AKAP12: variants seen among roughly 807,000 people sequenced by gnomAD.
AKAP12 encodes A-kinase anchor protein 12.
AKAP12 carries 32 observed loss-of-function variants against 79.9 expected under a neutral mutation model. That is an observed-to-expected ratio of 0.40 (90% CI 0.30 to 0.54). The LOEUF (loss-of-function observed/expected upper bound fraction) is 0.54, where lower values mean the gene tolerates loss of function less well. Among genes scored for constraint, AKAP12 ranks in the 20% least tolerant of loss-of-function variants. The pLI is 0.48. For synonymous variants in AKAP12, 808 were observed against 857.0 expected (o/e 0.94, Z 1.00); for missense variants, 2,074 against 2,177.0 (o/e 0.95, Z 0.94).
chr6:151,259,881 C>CTT (rs1797385285), intron 2 of AKAP12, among the ~76,000 whole-genome samples: 1 of 148,594 alleles, frequency 6.7e-6, no homozygotes, highest in Admixed American at 6.7e-5. Context: ...CCAGCCGACC[C>CTT]TTTTCTTCAA....
intron 3 of AKAP12, chr6:151,324,629 TGTTTGTGTA>T: frequency 1.0e-6 from 1 of 985,426 alleles, no homozygotes; most frequent in Non-Finnish European, 1.2e-6. Flanking sequence ...CTTTCCTTTT[TGTTTGTGTA>T]GGGGAAGAGC....
At chr6:151,348,481 A>G in intron 3 of AKAP12, 1 of 597,994 alleles carries the variant, frequency 1.7e-6, no homozygotes, top group South Asian at 1.6e-5. Flanking sequence ...TCTACAGAAA[A>G]TAAAAAACTT....
intron 3 of AKAP12, among the ~76,000 whole-genome samples, chr6:151,315,874 G>A (rs895308668): frequency 1.3e-5 from 2 of 152,080 alleles, no homozygotes; most frequent in Non-Finnish European, 2.9e-5. Flanking sequence ...AAGGAGAAGT[G>A]GCGAGCAAAA....
rs566884199 is a variant in AKAP12 at position 151,304,591 on chromosome 6, T to G, written c.163-1156T>G. ...GTTTTTTCATTTTTGTTTTTTGTTT[T>G]TCTCGCTCCGTCACCCAGGCTGGAG... On this transcript the variant is annotated intron_variant, in intron 2 of 4. Coordinates refer to ENST00000402676, the MANE Select transcript of AKAP12 (RefSeq NM_005100.4). Among the ~76,000 whole-genome samples the G allele has an allele frequency of 4.6e-5, 7 of 151,520 alleles. No homozygotes were observed. In the South Asian group the frequency reaches 1.5e-3, roughly 32 times the overall value.
chr6:151,284,912 AG>A (rs1776470786), intron 2 of AKAP12, among the ~76,000 whole-genome samples: 1 of 152,210 alleles, frequency 6.6e-6, no homozygotes, highest in Non-Finnish European at 1.5e-5. Flanking sequence ...ATGGGGACCC[AG>A]GGTGGAACCA....
intron 3 of AKAP12, chr6:151,326,024 C>A: frequency 1.7e-6 from 2 of 1,179,652 alleles, no homozygotes; most frequent in Non-Finnish European, 2.4e-6. Context: ...ATTTATTTCT[C>A]TCCGTGTACT....
rs556827663 is a variant in AKAP12, at chr6:151,331,607, C to T, written c.320-17104C>T. On this transcript the variant is annotated intron_variant, in intron 3 of 4. Transcript: ENST00000402676. ...ACTGCATCTTTTTAAAAGTTTTGGC[C>T]GGGTGCGGTGGCTCACGCCTGTAAT... is the stretch of plus-strand genomic sequence containing the variant. 5.9e-5 allele frequency among the ~76,000 whole-genome samples: 9 copies of T among 152,170 alleles called. No individual in the cohort carries two copies. In the South Asian group the frequency reaches 6.2e-4, roughly 11 times the overall value.
rs372570130 is a variant in AKAP12 at position 151,351,235 on chromosome 6, C to T, written c.2844C>T (p.Pro948=). ...AAGTAATTGCAGAAGAAGAACCCCCCACGGTTACTGAACCTCTGCCAGAGA... is the reference window on the plus strand; with the variant it reads ...AAGTAATTGCAGAAGAAGAACCCCCTACGGTTACTGAACCTCTGCCAGAGA... ...EREVIAEEEP[P]TVTEPLPENR... is the part of the protein sequence containing the mutation. The change falls in exon 4 of 5, where the codon CCC becomes CCT. Residue 948 remains proline (P), a synonymous_variant. Transcript: ENST00000402676. The surrounding 1 kb of genome is among the most constrained non-coding windows in gnomAD (Gnocchi z 4.4). The T allele has an allele frequency of 3.7e-6, 6 of 1,614,104 alleles. No individual in the cohort carries two copies. The African/African-American group carries it at 4.0e-5, about 11-fold the overall frequency.
In AKAP12 at chr6:151,312,793, CAAA is replaced by C. The variant is rs55685824; in HGVS notation, c.319+6906_319+6908del. Among the ~76,000 whole-genome samples, 5 of 72,990 alleles carry C rather than the reference CAAA, an allele frequency of 6.9e-5. 1 individual carries two copies. The highest frequency in any genetic ancestry group is 1.8e-4 in the Admixed American group (1 of 5,554). 47.9% of individuals were successfully genotyped at this position (72,990 alleles called of 152,430 possible). ...GGCTACAAGAGGGAGACTCTGTCTC[CAAA>C]AAAAAAAAAAAAAAAGAATCATGAG... On this transcript the variant is annotated intron_variant, in intron 3 of 4. Coordinates refer to ENST00000402676, the MANE Select transcript of AKAP12 (RefSeq NM_005100.4).
chr6:151,305,642 C>G (rs1776961647), intron 2 of AKAP12, 105 bp from the exon 3 acceptor site: 2 of 1,152,126 alleles, frequency 1.7e-6, no homozygotes, highest in Non-Finnish European at 2.4e-6. Context: ...TTCCTTTTCT[C>G]TGTATTTCTT....
At chr6:151,306,089 T>A (rs903281096) in intron 3 of AKAP12, among the ~76,000 whole-genome samples, 186 bp downstream of exon 3, 1 of 152,232 alleles carries the variant, frequency 6.6e-6, no homozygotes, top group Non-Finnish European at 1.5e-5. Flanking sequence ...CTTGAAGTTA[T>A]GTTTCCTTTT....
intron 2 of AKAP12, among the ~76,000 whole-genome samples, chr6:151,269,515 C>T (rs1227342239): frequency 1.3e-5 from 2 of 152,140 alleles, no homozygotes; most frequent in African/African-American, 4.8e-5. Context: ...TTTGCCATGA[C>T]ACTTCAGTGT....
At chr6:151,333,223 G>A (rs1253417825) in intron 3 of AKAP12, among the ~76,000 whole-genome samples, 4 of 152,186 alleles carry the variant, frequency 2.6e-5, no homozygotes, top group Admixed American at 6.5e-5. Context: ...GCCTGCACGG[G>A]TTAGCACTGG....
Position 151,352,574 on chromosome 6 carries a change from A to C in AKAP12, c.4183A>C (p.Ser1395Arg). 6.2e-7 allele frequency: 1 copy of C among 1,614,208 alleles called. No homozygotes were observed. The highest frequency in any genetic ancestry group is 8.5e-7 in the Non-Finnish European group (1 of 1,180,044). Reference protein sequence around the residue: ...GAKEVSSLEGSPPPCLGQEEA... With the variant: ...GAKEVSSLEGRPPPCLGQEEA... ...AAAGGAAGTCAGCAGTTTGGAAGGAAGCCCTCCTCCCTGCCTAGGTCAAGA... is the reference window on the plus strand; with the variant it reads ...AAAGGAAGTCAGCAGTTTGGAAGGACGCCCTCCTCCCTGCCTAGGTCAAGA... The change falls in exon 4 of 5, where the codon AGC becomes CGC. Residue 1395 changes from serine to arginine, a missense_variant. Ser to Arg is a moderately radical substitution (Grantham distance 110). This residue lies in a region of AKAP12 where 614 missense variants were observed against 665.6 expected (regional missense o/e 0.92). Coordinates refer to ENST00000402676, the MANE Select transcript of AKAP12 (RefSeq NM_005100.4).
intron 2 of AKAP12, among the ~76,000 whole-genome samples, chr6:151,248,291 C>G (rs1236353462): frequency 7.1e-6 from 1 of 140,074 alleles, no homozygotes; most frequent in Non-Finnish European, 1.5e-5. Context: ...TTTTGAGAGA[C>G]AGGGTCTCAC....
chr6:151,246,384 T>G (rs1425558784), intron 2 of AKAP12, among the ~76,000 whole-genome samples: 1 of 152,000 alleles, frequency 6.6e-6, no homozygotes, highest in Non-Finnish European at 1.5e-5. Flanking sequence ...CACCACTGCA[T>G]TCCAGCCTGG....
At chr6:151,294,008 T>C (rs1292812002) in intron 2 of AKAP12, among the ~76,000 whole-genome samples, 3 of 151,668 alleles carry the variant, frequency 2.0e-5, no homozygotes, top group East Asian at 1.9e-4. Context: ...GAGGTCTTGC[T>C]CTGTTGCCGG....
chr6:151,274,868 C>A (rs114364511), intron 2 of AKAP12, among the ~76,000 whole-genome samples: 10 of 152,070 alleles, frequency 6.6e-5, no homozygotes. Flanking sequence ...TTTGGGAGGC[C>A]GAGGCAGATG....
Position 151,350,511 on chromosome 6 carries a change from T to C in AKAP12, c.2120T>C (p.Met707Thr), listed in dbSNP as rs901533095. 1.9e-6 allele frequency: 3 copies of C among 1,613,484 alleles called. No individual in the cohort carries two copies. In the African/African-American group the frequency reaches 4.0e-5, roughly 22 times the overall value. ...SSDEEGGPKA[M>T]GGDHQKADEA... ...GATGAGGAAGGGGGACCAAAAGCAA[T>C]GGGAGGAGACCACCAGAAAGCTGAT... The change falls in exon 4 of 5, where the codon ATG (methionine) becomes ACG (threonine). Residue 707 changes from methionine to threonine, a missense_variant. By Grantham distance (81) the Met-to-Thr change is moderately conservative. Coordinates refer to ENST00000402676, the MANE Select transcript of AKAP12 (RefSeq NM_005100.4). The surrounding 1 kb of genome is among the most constrained non-coding windows in gnomAD (Gnocchi z 4.8).
Sources: gnomAD v4.1 joint callset for allele counts (sites outside exome capture counted in the v4.1 genomes callset) on GRCh38, gnomAD v4.1.1 for gene constraint, gnomAD v4.1.1 regional missense constraint, Gnocchi (gnomAD v3.1) non-coding constraint, MANE v1.5 for transcripts, NCBI Gene and HGNC (gene_info 2026-07-23, HGNC 2026-07-21) for gene names.